Variants in UBAP2L observed in about 807,000 individuals in gnomAD.
The protein encoded by UBAP2L is ubiquitin-associated protein 2-like.
Under a neutral mutation model 130.6 loss-of-function variants are expected in UBAP2L, and 12 were observed. The ratio of observed to expected loss-of-function variants is 0.09; its 90% CI spans 0.06 to 0.15. The LOEUF is 0.15. Among genes scored for constraint, UBAP2L ranks in the 10% least tolerant of loss-of-function variants. The pLI is 1.00. For synonymous variants in UBAP2L, 503 were observed against 524.7 expected, an observed-to-expected ratio of 0.96 and a Z score of 0.57; for missense variants, 965 against 1,332.5, an observed-to-expected ratio of 0.72 and a Z score of 4.29.
At position 154,270,526 on chromosome 1, in the gene UBAP2L, C is replaced by G; in HGVS notation, c.*231C>G. On this transcript the variant is annotated 3_prime_UTR_variant, in exon 27 of 27. Coordinates refer to ENST00000428931, the MANE Select transcript of UBAP2L (RefSeq NM_014847.4). ...CTTTTTTTTCCCCCTTCCATTCCTT[C>G]TCCCCTCTTGCATTCAAGATTATGA... The G allele has an allele frequency of 7.0e-7, 1 of 1,438,292 alleles. No homozygotes were observed. The highest frequency in any genetic ancestry group is 9.1e-7 in the Non-Finnish European group (1 of 1,099,908). The allele number at this position is 1,438,292 out of a possible 1,614,324, so 89.1% of individuals were successfully genotyped here.
In UBAP2L at chr1:154,266,543, C is replaced by T. The variant is rs753275698; in HGVS notation, c.2945C>T (p.Ser982Leu). Reference protein sequence around the residue: ...TSSNTGVPDISGSVYSKTQQS... With the variant: ...TSSNTGVPDILGSVYSKTQQS... ...AGTAACACGGGCGTGCCAGATATCT[C>T]GGGTTCTGTGTACTCCAAAACCCAG... The change falls in exon 25 of 27, where the codon TCG (serine) becomes TTG (leucine). Residue 982 changes from serine to leucine, a missense_variant. Coordinates refer to ENST00000428931, the MANE Select transcript of UBAP2L (RefSeq NM_014847.4). The T allele has an allele frequency of 4.3e-6, 7 of 1,614,120 alleles. No homozygotes were observed. Among genetic ancestry groups the T allele is most frequent in the Non-Finnish European group, 5.1e-6 (6 of 1,180,040 alleles).
chr1:154,227,216 A>AC (rs1465888263), intron 2 of UBAP2L, 66 bp from the exon 3 acceptor site: 3 of 1,418,174 alleles, frequency 2.1e-6, no homozygotes, highest in Non-Finnish European at 2.0e-6. Flanking sequence ...GGCTGACGAA[A>AC]TAGGTTCCTG....
In UBAP2L at chr1:154,253,654, G is replaced by T. The variant is rs191215679; in HGVS notation, c.1665-246G>T. ...TCCAAAGTGCTGGGATTACAGGCGT[G>T]AGCCACTGCGCCCGGCCTAGATGTT... On this transcript the variant is annotated intron_variant, in intron 14 of 26. Transcript: ENST00000428931. Among the ~76,000 whole-genome samples the T allele has an allele frequency of 2.4e-4, 37 of 152,264 alleles. No individual in the cohort carries two copies. The East Asian group carries it at 7.1e-3, about 29-fold the overall frequency.
chr1:154,236,485 C>T (rs1242645900), intron 6 of UBAP2L, 81 bp from the exon 7 acceptor site: 9 of 1,466,894 alleles, frequency 6.1e-6, no homozygotes, highest in Non-Finnish European at 8.6e-6. Context: ...CCACCGGGAG[C>T]CACTGTGCCT....
chr1:154,269,201 G>C (rs1033358635), intron 26 of UBAP2L: 13 of 825,196 alleles, frequency 1.6e-5, no homozygotes, highest in Non-Finnish European at 2.5e-5. Context: ...TTCTCCTCCT[G>C]TGCCACAGTT....
intron 20 of UBAP2L, chr1:154,257,706 A>C: frequency 4.7e-6 from 2 of 422,756 alleles, no homozygotes; most frequent in Non-Finnish European, 4.2e-6. Flanking sequence ...TATAAAATAA[A>C]TGAGGGATTG....
rs375690428 is a variant in UBAP2L, at chr1:154,235,225, A to G, written c.478A>G (p.Thr160Ala). The change falls in exon 6 of 27, where the codon ACC (threonine) becomes GCC (alanine). Residue 160 changes from threonine to alanine, a missense_variant. Physicochemically the swap from Thr to Ala is moderately conservative, Grantham distance 58. Transcript: ENST00000428931. The part of the protein sequence containing the change: ...FRGQENGLDG[T>A]KSGGPSGRGT... ...AGGTCAGGAAAATGGATTGGATGGCACCAAGAGTGGAGGGCCTTCTGGAAG... is the reference window on the plus strand; with the variant it reads ...AGGTCAGGAAAATGGATTGGATGGCGCCAAGAGTGGAGGGCCTTCTGGAAG... 6.0e-5 allele frequency: 47 copies of G among 778,474 alleles called. No individual in the cohort carries two copies. The highest frequency in any genetic ancestry group is 1.1e-4 in the Non-Finnish European group (45 of 417,500). The allele number at this position is 778,474 out of a possible 1,614,324, so 48.2% of individuals were successfully genotyped here.
intron 11 of UBAP2L, among the ~76,000 whole-genome samples, chr1:154,247,514 C>T (rs1223290002): frequency 6.6e-6 from 1 of 152,038 alleles, no homozygotes; most frequent in Non-Finnish European, 1.5e-5. Context: ...TCTTAATTGC[C>T]CTCTTAATGT....
At chr1:154,252,731 G>A (rs1678183976) in intron 14 of UBAP2L, among the ~76,000 whole-genome samples, 1 of 151,622 alleles carries the variant, frequency 6.6e-6, no homozygotes, top group Non-Finnish European at 1.5e-5. Flanking sequence ...AGCTAATTTT[G>A]TATTTTTAGT....
Position 154,270,627 on chromosome 1 carries a change from G to A in UBAP2L, c.*332G>A. 1 of 1,409,000 alleles carries A rather than the reference G, an allele frequency of 7.1e-7. No individual in the cohort carries two copies. The allele number at this position is 1,409,000 out of a possible 1,614,324, so 87.3% of individuals were successfully genotyped here. A position where few individuals can be genotyped will look rare whatever the true frequency, so the allele number is the denominator to read the frequency against. ...TGGTGTACGGATGAGGCGGGGAGGTGGGACCCCCAAACATATATCAGCCCA... is the reference window on the plus strand; with the variant it reads ...TGGTGTACGGATGAGGCGGGGAGGTAGGACCCCCAAACATATATCAGCCCA... On this transcript the variant is annotated 3_prime_UTR_variant, in exon 27 of 27. Transcript: ENST00000428931.
chr1:154,231,945 T>C (rs944427642), intron 4 of UBAP2L, among the ~76,000 whole-genome samples: 1 of 152,184 alleles, frequency 6.6e-6, no homozygotes, highest in Non-Finnish European at 1.5e-5. Flanking sequence ...TTTTGTATTA[T>C]CTAATACTCA....
chr1:154,265,812 G>C (rs1350042748), intron 24 of UBAP2L, among the ~76,000 whole-genome samples: 1 of 152,024 alleles, frequency 6.6e-6, no homozygotes, highest in East Asian at 1.9e-4. Flanking sequence ...TTCCACCTAG[G>C]CTATAGGAGA....
chr1:154,260,097 T>C (rs1038406049), intron 22 of UBAP2L, 68 bp downstream of exon 22: 2 of 1,505,864 alleles, frequency 1.3e-6, no homozygotes, highest in Non-Finnish European at 9.2e-7. Context: ...AGACACCTGA[T>C]TGGTAGCAAG....
downstream of UBAP2L, chr1:154,270,934 A>G (rs777394768): frequency 4.4e-5 from 68 of 1,550,426 alleles, no homozygotes; most frequent in Non-Finnish European, 5.9e-5. Context: ...TACTGTACCA[A>G]CTGGGCCTCC....
At chr1:154,225,343 C>A in intron 2 of UBAP2L, 130 bp downstream of exon 2, 2 of 976,448 alleles carry the variant, frequency 2.0e-6, no homozygotes, top group Non-Finnish European at 3.1e-6. Context: ...TAGTCCTTGG[C>A]TCTTTTTTTA....
chr1:154,269,123 C>T (rs1263101471), intron 26 of UBAP2L, 169 bp downstream of exon 26: 6 of 950,310 alleles, frequency 6.3e-6, no homozygotes, highest in Middle Eastern at 2.9e-4. Context: ...ATAACACGAG[C>T]GGCCGGCAAA....
rs747145277 is a variant in UBAP2L, at chr1:154,234,665, G to A, written c.354G>A (p.Glu118=). The change falls in exon 5 of 27, where the codon GAG becomes GAA. Residue 118 remains glutamate, a synonymous_variant. Coordinates refer to ENST00000428931, the MANE Select transcript of UBAP2L (RefSeq NM_014847.4). ...QKDGGQTESN[E]EGKENRDRDR... is the part of the protein sequence containing the mutation. ...ATGGTGGCCAGACGGAATCCAATGA[G>A]GAAGGCAAAGAAAATCGAGACCGGG... is the stretch of plus-strand genomic sequence containing the variant. The A allele has an allele frequency of 1.2e-6, 2 of 1,614,150 alleles. No homozygotes were observed. Among genetic ancestry groups the A allele is most frequent in the Middle Eastern group, 1.6e-4 (1 of 6,062 alleles).
Position 154,270,389 on chromosome 1 carries a change from G to C in UBAP2L, c.*94G>C. ...CATCAAAGAGAAAGGAATGTGGGGG[G>C]TTTCCGCTGCCCCCCACCCCCAGCG... On this transcript the variant is annotated 3_prime_UTR_variant, in exon 27 of 27. Coordinates refer to ENST00000428931, the MANE Select transcript of UBAP2L (RefSeq NM_014847.4). 1 of 1,559,546 alleles carries C rather than the reference G, an allele frequency of 6.4e-7. No homozygotes were observed. The highest frequency in any genetic ancestry group is 8.6e-7 in the Non-Finnish European group (1 of 1,156,476).
At chr1:154,259,478 C>T (rs370301808) in intron 21 of UBAP2L, among the ~76,000 whole-genome samples, 6 of 152,026 alleles carry the variant, frequency 3.9e-5, no homozygotes, top group Non-Finnish European at 7.4e-5. Flanking sequence ...AGGCATGAGC[C>T]GCCGCACCCA....
Sources: gnomAD v4.1 joint callset for allele counts (sites outside exome capture counted in the v4.1 genomes callset) on GRCh38, gnomAD v4.1.1 for gene constraint, MANE v1.5 for transcripts, NCBI Gene and HGNC (gene_info 2026-07-23, HGNC 2026-07-21) for gene names.